Variants in KANSL1L observed in about 807,000 individuals in gnomAD.
KANSL1L encodes the protein KAT8 regulatory NSL complex subunit 1-like protein.
Under a neutral mutation model 108.6 loss-of-function variants are expected in KANSL1L, and 25 were observed. The observed-to-expected ratio is 0.23, with a 90% CI of 0.17 to 0.32. KANSL1L has a LOEUF of 0.32. Among genes scored for constraint, KANSL1L ranks in the 10% least tolerant of loss-of-function variants. The pLI, the probability that KANSL1L is intolerant of heterozygous loss-of-function variation, is 1.00. For missense variants in KANSL1L, 1,137 were observed against 1,125.7 expected (o/e 1.01, Z -0.14); for synonymous variants, 405 against 395.1 (o/e 1.03, Z -0.30).
chr2:210,040,234 A>G lies in KANSL1L; in HGVS notation c.2029+186T>C, dbSNP rs559439456. 8.0e-6 allele frequency: 4 copies of G among 502,176 alleles called. No homozygotes were observed. In the East Asian group the frequency reaches 9.9e-5, roughly 12 times the overall value. 31.1% of individuals were successfully genotyped at this position (502,176 alleles called of 1,614,324 possible). A position where few individuals can be genotyped will look rare whatever the true frequency, so the allele number is the denominator to read the frequency against. Reference sequence around the variant, plus strand: ...AGTTCATAATTACAATTCAATAGGTATCGCACATTTCATGTTAAGATTGTT... The same window carrying G: ...AGTTCATAATTACAATTCAATAGGTGTCGCACATTTCATGTTAAGATTGTT... On this transcript the variant is annotated intron_variant, in intron 8 of 14. Coordinates refer to ENST00000281772, the MANE Select transcript of KANSL1L (RefSeq NM_152519.4).
chr2:210,110,222 G>GA (rs2094890867), intron 3 of KANSL1L, among the ~76,000 whole-genome samples: 1 of 152,136 alleles, frequency 6.6e-6, no homozygotes, highest in Non-Finnish European at 1.5e-5. Context: ...AGTTCTGATG[G>GA]AAAATCCACA....
intron 7 of KANSL1L, 96 bp downstream of exon 7, chr2:210,043,842 AT>A: frequency 1.2e-6 from 1 of 867,270 alleles, no homozygotes; most frequent in Non-Finnish European, 1.7e-6. Context: ...CTGAAAAAAA[AT>A]TGATAAAATA....
rs1688319259 is a variant in KANSL1L at position 210,171,261 on chromosome 2, G to A, written c.-142C>T. 1 of 169,280 alleles carries A rather than the reference G, an allele frequency of 5.9e-6. No homozygotes were observed. The highest frequency in any genetic ancestry group is 1.2e-5 in the Non-Finnish European group (1 of 82,410). The allele number at this position is 169,280 out of a possible 1,614,324, so 10.5% of individuals were successfully genotyped here. On this transcript the variant is annotated 5_prime_UTR_variant, in exon 1 of 15. Transcript: ENST00000281772. ...CGCCTCCCCCACCCGGGGCGCCGCT[G>A]ACTCGTCTCCAGAGCGCGCCCCGCT... is the stretch of plus-strand genomic sequence containing the variant.
intron 2 of KANSL1L, among the ~76,000 whole-genome samples, chr2:210,143,468 G>A (rs1389509958): frequency 1.3e-5 from 2 of 152,034 alleles, no homozygotes. Flanking sequence ...GATAGGTAAA[G>A]GTTTATTATT....
intron 4 of KANSL1L, among the ~76,000 whole-genome samples, chr2:210,102,565 T>C (rs777746675): frequency 3.1e-4 from 47 of 151,994 alleles, no homozygotes; most frequent in African/African-American, 9.7e-4. Context: ...GCAATCTACC[T>C]ATCTGACAAA....
chr2:210,099,963 T>G (rs2094777297), intron 4 of KANSL1L, among the ~76,000 whole-genome samples: 1 of 152,162 alleles, frequency 6.6e-6, no homozygotes, highest in African/African-American at 2.4e-5. Context: ...ATAACAAGAT[T>G]TATAATGTAA....
intron 8 of KANSL1L, chr2:210,032,824 G>A (rs2094038322): frequency 6.6e-6 from 1 of 152,122 alleles, no homozygotes; most frequent in African/African-American, 2.4e-5. Flanking sequence ...AATCAAAAAA[G>A]AGGTACAAAC....
chr2:210,042,249 C>T (rs914360358), intron 7 of KANSL1L, among the ~76,000 whole-genome samples: 22 of 152,156 alleles, frequency 1.4e-4, no homozygotes, highest in Admixed American at 5.2e-4. Context: ...AACTAGAATG[C>T]GAGTACCTTG....
At chr2:210,032,441 GA>G (rs1319891644) in intron 8 of KANSL1L, 1 of 152,228 alleles carries the variant, frequency 6.6e-6, no homozygotes, top group East Asian at 1.9e-4. Flanking sequence ...AGGAAACCCA[GA>G]GCAGAAGCAC....
At chr2:210,139,312 A>T (rs2095205322) in intron 2 of KANSL1L, among the ~76,000 whole-genome samples, 1 of 152,142 alleles carries the variant, frequency 6.6e-6, no homozygotes, top group South Asian at 2.1e-4. Context: ...TTATCCATTC[A>T]TCTGTCAATG....
At chr2:210,030,361 T>G (rs1463745347) in intron 9 of KANSL1L, among the ~76,000 whole-genome samples, 1 of 151,934 alleles carries the variant, frequency 6.6e-6, no homozygotes, top group Non-Finnish European at 1.5e-5. Context: ...AGTACATGTT[T>G]CCGAAAGTAC....
chr2:210,028,830 T>TGTAA lies in KANSL1L; in HGVS notation c.2396+11_2396+14dup. 1 of 1,525,466 alleles carries TGTAA rather than the reference T, an allele frequency of 6.6e-7. No homozygotes were observed. Among genetic ancestry groups the TGTAA allele is most frequent in the Non-Finnish European group, 8.9e-7 (1 of 1,127,132 alleles). 94.5% of individuals were successfully genotyped at this position (1,525,466 alleles called of 1,614,324 possible). ...GAAGGAAGGAAGAAAAATATGAAGA[T>TGTAA]GTAAGTATACATACCTTGGAGTAAG... On this transcript the variant is annotated intron_variant, in intron 11 of 14. Transcript: ENST00000281772.
chr2:210,156,687 C>T (rs11885575), intron 1 of KANSL1L, among the ~76,000 whole-genome samples: 2,560 of 152,036 alleles, frequency 0.017, 77 homozygotes, highest in African/African-American at 0.059. Context: ...CAAACTTGTA[C>T]TAGTAGTTGC....
intron 5 of KANSL1L, among the ~76,000 whole-genome samples, chr2:210,084,373 G>A (rs919861389): frequency 6.6e-6 from 1 of 152,102 alleles, no homozygotes; most frequent in Non-Finnish European, 1.5e-5. Context: ...AGTGAGCCGA[G>A]ATCGCACCAC....
At chr2:210,089,634 C>T (rs1305191540) in intron 5 of KANSL1L, among the ~76,000 whole-genome samples, 1 of 151,490 alleles carries the variant, frequency 6.6e-6, no homozygotes, top group Non-Finnish European at 1.5e-5. Context: ...CTACTTTGCC[C>T]TGAAACCACT....
chr2:210,090,621 C>T (rs979160816), intron 5 of KANSL1L, among the ~76,000 whole-genome samples: 1 of 152,136 alleles, frequency 6.6e-6, no homozygotes, highest in Admixed American at 6.6e-5. Context: ...TCACTGCAGC[C>T]TCAACTGTCC....
rs537862175 is a variant in KANSL1L at position 210,089,726 on chromosome 2, C to G, written c.1550+8360G>C. 5.9e-5 allele frequency among the ~76,000 whole-genome samples: 9 copies of G among 152,034 alleles called. No individual in the cohort carries two copies. In the South Asian group the frequency reaches 1.9e-3, roughly 32 times the overall value. On this transcript the variant is annotated intron_variant, in intron 5 of 14. Transcript: ENST00000281772. Reference sequence around the variant, plus strand: ...GAGGGGCATGGGGGAGATTAAATGTCCCAAGATGGTCTTTTGAGGAGATAG... The same window carrying G: ...GAGGGGCATGGGGGAGATTAAATGTGCCAAGATGGTCTTTTGAGGAGATAG...
At chr2:210,132,799 G>C (rs779724030) in intron 2 of KANSL1L, among the ~76,000 whole-genome samples, 2 of 151,972 alleles carry the variant, frequency 1.3e-5, no homozygotes, top group Non-Finnish European at 2.9e-5. Context: ...ATTTGGTTTT[G>C]GAATCAAGCT....
intron 6 of KANSL1L, among the ~76,000 whole-genome samples, chr2:210,049,278 C>T (rs2094260699): frequency 6.6e-6 from 1 of 152,080 alleles, no homozygotes; most frequent in Non-Finnish European, 1.5e-5. Flanking sequence ...GTATGTTTCT[C>T]TTCCACCCCC....
Sources: gnomAD v4.1 joint callset for allele counts (sites outside exome capture counted in the v4.1 genomes callset) on GRCh38, gnomAD v4.1.1 for gene constraint, MANE v1.5 for transcripts, NCBI Gene and HGNC (gene_info 2026-07-23, HGNC 2026-07-21) for gene names.